The following TMEM164 variants were observed in gnomAD, a reference collection of about 807,000 sequenced individuals.
TMEM164 encodes transmembrane protein 164, also known as RP13-360B22.2.
In TMEM164, 4 loss-of-function variants were observed where a neutral mutation model predicts 18.8. That is an observed-to-expected ratio of 0.21 (90% CI 0.10 to 0.49). TMEM164 has a LOEUF of 0.49. Ranked by LOEUF, TMEM164 falls within the 20% of genes least tolerant of loss-of-function variation. The pLI, the probability that TMEM164 is intolerant of heterozygous loss-of-function variation, is 0.98. For missense variants in TMEM164, 108 were observed against 239.9 expected, an observed-to-expected ratio of 0.45 and a Z score of 3.63; for synonymous variants, 86 against 101.7, an observed-to-expected ratio of 0.85 and a Z score of 0.93.
At chrX:110,039,488 A>G (rs1020740541) in intron 2 of TMEM164, among the ~76,000 whole-genome samples, 4 of 112,632 alleles carry the variant, frequency 3.6e-5, no homozygotes, top group Non-Finnish European at 7.5e-5. Flanking sequence ...ACCCTGTTGG[A>G]GAGGTTTCTG....
At position 110,105,679 on chromosome X, in the gene TMEM164, GACACACACACAC is replaced by G. The variant is rs758900532; in HGVS notation, c.441-3371_441-3360del. ...TGATACATACACACATAGAAACACAGACACACACACACACACACACACACACACACACACACA... is the reference window on the plus strand; with the variant it reads ...TGATACATACACACATAGAAACACAGACACACACACACACACACACACACA... On this transcript the variant is annotated intron_variant, in intron 3 of 6. Transcript: ENST00000372068. 1.0e-3 allele frequency among the ~76,000 whole-genome samples: 67 copies of G among 65,433 alleles called. 1 individual carries two copies. Among genetic ancestry groups the G allele is most frequent in the Admixed American group, 5.8e-4 (3 of 5,205 alleles). The allele number at this position is 65,433 out of a possible 115,157, so 56.8% of individuals were successfully genotyped here. A position where few individuals can be genotyped will look rare whatever the true frequency, so the allele number is the denominator to read the frequency against.
intron 3 of TMEM164, among the ~76,000 whole-genome samples, chrX:110,078,768 G>A (rs926691872): frequency 3.6e-5 from 4 of 111,917 alleles, no homozygotes; most frequent in Non-Finnish European, 7.5e-5. Flanking sequence ...GCAGTGAGCC[G>A]AGATTGTGCC....
rs756338004 is a variant in TMEM164 at position 110,032,925 on chromosome X, C to T, written c.390+28761C>T. On this transcript the variant is annotated intron_variant, in intron 2 of 6. Coordinates refer to ENST00000372068, the MANE Select transcript of TMEM164 (RefSeq NM_032227.4). Reference sequence around the variant, plus strand: ...CCAATTTTGGTAGACAGATAGTTGCCGGCTAAAACAAAGCATGTATTGAAC... The same window carrying T: ...CCAATTTTGGTAGACAGATAGTTGCTGGCTAAAACAAAGCATGTATTGAAC... Among the ~76,000 whole-genome samples, 11 of 111,928 alleles carry T rather than the reference C, an allele frequency of 9.8e-5. No homozygotes were observed. In the Middle Eastern group the frequency reaches 0.018, roughly 187 times the overall value.
At chrX:110,102,280 G>A (rs770413565) in intron 3 of TMEM164, among the ~76,000 whole-genome samples, 3 of 110,793 alleles carry the variant, frequency 2.7e-5, no homozygotes, top group African/African-American at 9.8e-5. Context: ...GGAGGCGGAC[G>A]TTGTAGTGAG....
chrX:110,129,884 G>A (rs932840348), intron 4 of TMEM164, among the ~76,000 whole-genome samples: 1 of 112,679 alleles, frequency 8.9e-6, no homozygotes, highest in South Asian at 3.6e-4. Context: ...AACATTGGCA[G>A]TAGTGGCCTT....
At chrX:110,034,596 G>A (rs757266058) in intron 2 of TMEM164, among the ~76,000 whole-genome samples, 1 of 111,784 alleles carries the variant, frequency 8.9e-6, no homozygotes, top group South Asian at 3.7e-4. Context: ...TGGTTCGCGG[G>A]TTATTGTTTG....
intron 3 of TMEM164, among the ~76,000 whole-genome samples, chrX:110,074,285 C>G (rs1295067894): frequency 9.0e-6 from 1 of 111,603 alleles, no homozygotes; most frequent in Non-Finnish European, 1.9e-5. Flanking sequence ...ACGTCCTTTG[C>G]CCACTTTTTA....
intron 4 of TMEM164, among the ~76,000 whole-genome samples, chrX:110,134,162 C>G (rs1356360782): frequency 1.8e-5 from 2 of 111,471 alleles, no homozygotes; most frequent in East Asian, 5.6e-4. Flanking sequence ...TAGGGGAAGG[C>G]ACCTGATGAC....
chrX:110,047,814 A>ACC (rs1262639710), intron 2 of TMEM164, among the ~76,000 whole-genome samples: 1 of 111,761 alleles, frequency 8.9e-6, no homozygotes, highest in Non-Finnish European at 1.9e-5. Context: ...AGGTTCCCAG[A>ACC]CCAGCTGGCA....
intron 3 of TMEM164, among the ~76,000 whole-genome samples, chrX:110,076,096 G>A (rs150647338): frequency 0.019 from 2,061 of 106,485 alleles, 50 homozygotes; most frequent in African/African-American, 0.058. Context: ...AATCTATCTG[G>A]TCCATGGCTT....
chrX:110,108,611 A>G (rs1488734056), intron 3 of TMEM164, among the ~76,000 whole-genome samples: 1 of 112,149 alleles, frequency 8.9e-6, no homozygotes, highest in African/African-American at 3.2e-5. Flanking sequence ...GGTTGTAGCA[A>G]TCTTTTTCTG....
chrX:110,089,945 T>A (rs2065901896), intron 3 of TMEM164, among the ~76,000 whole-genome samples: 1 of 112,632 alleles, frequency 8.9e-6, no homozygotes, highest in African/African-American at 3.2e-5. Context: ...ATTATCCTTG[T>A]CTTGACACTT....
chrX:110,130,971 C>T (rs954329401), intron 4 of TMEM164, among the ~76,000 whole-genome samples: 4 of 112,065 alleles, frequency 3.6e-5, no homozygotes, highest in African/African-American at 1.3e-4. Flanking sequence ...AGAGTGTACT[C>T]ATGTCAGGAG....
At chrX:110,123,178 A>G (rs2066476516) in intron 4 of TMEM164, among the ~76,000 whole-genome samples, 1 of 111,987 alleles carries the variant, frequency 8.9e-6, no homozygotes. Flanking sequence ...TCTTCTATCC[A>G]TCCCCATTGA....
intron 3 of TMEM164, among the ~76,000 whole-genome samples, chrX:110,087,424 G>T (rs763526884): frequency 1.1e-4 from 12 of 111,765 alleles, no homozygotes; most frequent in Non-Finnish European, 2.1e-4. Flanking sequence ...GCAGTGGCGT[G>T]ATCATGGCTC....
intron 4 of TMEM164, among the ~76,000 whole-genome samples, chrX:110,123,919 C>T (rs2066486611): frequency 9.0e-6 from 1 of 111,542 alleles, no homozygotes; most frequent in African/African-American, 3.3e-5. Flanking sequence ...TGAGACCAGA[C>T]TGGCCAACAT....
At chrX:110,072,296 C>CA (rs56056315) in intron 3 of TMEM164, among the ~76,000 whole-genome samples, 2,490 of 45,955 alleles carry the variant, frequency 0.054, 192 homozygotes, top group African/African-American at 0.19. Context: ...GACTCCATCT[C>CA]AAAAAAAAAA....
chrX:110,015,209 T>TG (rs1411789405), intron 2 of TMEM164, among the ~76,000 whole-genome samples: 1 of 111,108 alleles, frequency 9.0e-6, no homozygotes, highest in Non-Finnish European at 1.9e-5. Flanking sequence ...CCTTGGGATG[T>TG]GGGGGGTGTG....
chrX:110,135,981 T>G (rs1217952404), intron 4 of TMEM164, among the ~76,000 whole-genome samples: 1 of 112,056 alleles, frequency 8.9e-6, no homozygotes, highest in Non-Finnish European at 1.9e-5. Context: ...AGCTTACATT[T>G]AAATTTCCTT....
Sources: gnomAD v4.1 joint callset for allele counts (sites outside exome capture counted in the v4.1 genomes callset) on GRCh38, gnomAD v4.1.1 for gene constraint, MANE v1.5 for transcripts, NCBI Gene and HGNC (gene_info 2026-07-23, HGNC 2026-07-21) for gene names.